TMEM120B: variants seen among roughly 807,000 people sequenced by gnomAD.
The protein encoded by TMEM120B is transmembrane protein 120B.
TMEM120B carries 31 observed loss-of-function variants against 55.5 expected under a neutral mutation model. The observed-to-expected ratio is 0.56, with a 90% confidence interval of 0.42 to 0.75. TMEM120B has a LOEUF of 0.75. Ranked by LOEUF, TMEM120B falls within the 30% of genes least tolerant of loss-of-function variation. TMEM120B has a pLI of 0.00. For missense variants in TMEM120B, 399 were observed against 425.5 expected, an observed-to-expected ratio of 0.94 and a Z score of 0.55; for synonymous variants, 203 against 176.3, an observed-to-expected ratio of 1.15 and a Z score of -1.20.
intron 6 of TMEM120B, 98 bp downstream of exon 6, chr12:121,761,836 C>T (rs780985006): frequency 8.0e-5 from 73 of 913,648 alleles, no homozygotes; most frequent in Non-Finnish European, 1.2e-4. Context: ...GGCTGCATTC[C>T]TCTCCTCCTT....
intron 5 of TMEM120B, chr12:121,758,035 C>A: frequency 5.3e-6 from 2 of 375,044 alleles, no homozygotes; most frequent in Non-Finnish European, 7.3e-6. Flanking sequence ...GAGAGGATCG[C>A]TTGAGCCCAG....
At chr12:121,763,438 A>C (rs1873746792) in intron 6 of TMEM120B, among the ~76,000 whole-genome samples, 1 of 151,796 alleles carries the variant, frequency 6.6e-6, no homozygotes, top group South Asian at 2.1e-4. Context: ...CTGGGATTAC[A>C]GGCGTGAGCC....
At chr12:121,736,223 G>A (rs899330606) in intron 1 of TMEM120B, among the ~76,000 whole-genome samples, 2 of 151,966 alleles carry the variant, frequency 1.3e-5, no homozygotes, top group Non-Finnish European at 2.9e-5. Context: ...GGCCCAGGCT[G>A]GAGTGCAGTG....
intron 6 of TMEM120B, among the ~76,000 whole-genome samples, chr12:121,770,504 C>A (rs1364493534): frequency 1.3e-5 from 2 of 152,088 alleles, no homozygotes; most frequent in African/African-American, 4.8e-5. Flanking sequence ...TTGGCGGGTT[C>A]TAGGAGAGCC....
At chr12:121,719,694 C>A (rs928650654) in intron 1 of TMEM120B, among the ~76,000 whole-genome samples, 2 of 152,048 alleles carry the variant, frequency 1.3e-5, no homozygotes, top group African/African-American at 4.8e-5. Context: ...TTAGGCCACA[C>A]TGCATTCTTT....
intron 1 of TMEM120B, among the ~76,000 whole-genome samples, chr12:121,737,128 A>C (rs1895131539): frequency 6.6e-6 from 1 of 152,172 alleles, no homozygotes; most frequent in Admixed American, 6.6e-5. Flanking sequence ...ACTAGTCACA[A>C]GCCTACCTAG....
intron 6 of TMEM120B, among the ~76,000 whole-genome samples, chr12:121,761,984 CAT>C (rs1159580544): frequency 1.3e-5 from 2 of 152,060 alleles, no homozygotes; most frequent in African/African-American, 2.4e-5. Context: ...CAATAAGAAA[CAT>C]ATTTTCTCAT....
At chr12:121,753,367 G>A (rs528414927) in intron 5 of TMEM120B, among the ~76,000 whole-genome samples, 20 of 152,070 alleles carry the variant, frequency 1.3e-4, no homozygotes, top group African/African-American at 1.7e-4. Context: ...TAATAAGAAT[G>A]TTCTCCCAGC....
At chr12:121,757,868 G>A (rs1873530928) in intron 5 of TMEM120B, among the ~76,000 whole-genome samples, 1 of 152,172 alleles carries the variant, frequency 6.6e-6, no homozygotes, top group Non-Finnish European at 1.5e-5. Flanking sequence ...GGCCAGGCTG[G>A]TCTTGAACTC....
chr12:121,779,061 G>A lies in TMEM120B; in HGVS notation c.*3339G>A, dbSNP rs1036053752. 3 of 168,994 alleles carry A rather than the reference G, an allele frequency of 1.8e-5. No homozygotes were observed. Among genetic ancestry groups the A allele is most frequent in the Admixed American group, 5.6e-5 (1 of 17,706 alleles). 10.5% of individuals were successfully genotyped at this position (168,994 alleles called of 1,614,324 possible). A position where few individuals can be genotyped will look rare whatever the true frequency, so the allele number is the denominator to read the frequency against. On this transcript the variant is annotated 3_prime_UTR_variant, in exon 12 of 12. Coordinates refer to ENST00000449592, the MANE Select transcript of TMEM120B (RefSeq NM_001080825.2). Reference sequence around the variant, plus strand: ...TGGGGGAAGGAAGGAAGGAGCTGGAGGATACAGTGGTGCCTATCTCGGGAG... The same window carrying A: ...TGGGGGAAGGAAGGAAGGAGCTGGAAGATACAGTGGTGCCTATCTCGGGAG...
At chr12:121,719,256 CAG>C (rs1037190825) in intron 1 of TMEM120B, among the ~76,000 whole-genome samples, 39 of 151,074 alleles carry the variant, frequency 2.6e-4, no homozygotes, top group African/African-American at 8.3e-4. Context: ...AAAAAAAAAA[CAG>C]AGAGAGGGAT....
At chr12:121,721,830 A>G (rs567171479) in intron 1 of TMEM120B, among the ~76,000 whole-genome samples, 11 of 50,232 alleles carry the variant, frequency 2.2e-4, no homozygotes, top group African/African-American at 1.3e-3. Flanking sequence ...TTTTTTTGAG[A>G]CAGCGTCTTG....
intron 1 of TMEM120B, among the ~76,000 whole-genome samples, chr12:121,717,646 T>C (rs1894723691): frequency 6.6e-6 from 1 of 152,162 alleles, no homozygotes; most frequent in Non-Finnish European, 1.5e-5. Flanking sequence ...CTATCTTGGC[T>C]TGTGGGGCGT....
chr12:121,767,775 T>C (rs1376944868), intron 6 of TMEM120B, among the ~76,000 whole-genome samples: 1 of 152,216 alleles, frequency 6.6e-6, no homozygotes, highest in African/African-American at 2.4e-5. Flanking sequence ...CCTCACCCGA[T>C]GTCACTGAGC....
intron 1 of TMEM120B, among the ~76,000 whole-genome samples, chr12:121,733,227 G>A (rs956679730): frequency 3.3e-5 from 5 of 152,064 alleles, no homozygotes; most frequent in Admixed American, 2.6e-4. Context: ...CCACTAAAGA[G>A]TGGAGTGTAT....
At chr12:121,772,186 T>C (rs1874087127) in intron 8 of TMEM120B, among the ~76,000 whole-genome samples, 1 of 151,804 alleles carries the variant, frequency 6.6e-6, no homozygotes, top group South Asian at 2.1e-4. Context: ...TGGAGTGCAG[T>C]GGCGCGATCT....
intron 5 of TMEM120B, among the ~76,000 whole-genome samples, chr12:121,756,432 ACT>A (rs1873477258): frequency 6.6e-6 from 1 of 151,862 alleles, no homozygotes; most frequent in African/African-American, 2.4e-5. Flanking sequence ...AAAGAGCAAA[ACT>A]CTGTCTCTAG....
At chr12:121,716,033 C>G (rs1301353677) in intron 1 of TMEM120B, among the ~76,000 whole-genome samples, 1 of 148,320 alleles carries the variant, frequency 6.7e-6, no homozygotes, top group East Asian at 2.0e-4. Flanking sequence ...TTGGCTCATA[C>G]CTGTAATCTC....
chr12:121,717,306 A>G (rs1894719340), intron 1 of TMEM120B, among the ~76,000 whole-genome samples: 1 of 152,214 alleles, frequency 6.6e-6, no homozygotes, highest in Non-Finnish European at 1.5e-5. Context: ...GTCTGACCTC[A>G]CAGTGATGCA....
Sources: gnomAD v4.1 joint callset for allele counts (sites outside exome capture counted in the v4.1 genomes callset) on GRCh38, gnomAD v4.1.1 for gene constraint, MANE v1.5 for transcripts, NCBI Gene and HGNC (gene_info 2026-07-23, HGNC 2026-07-21) for gene names.